NEO1: variants seen among roughly 807,000 people sequenced by gnomAD.
NEO1 encodes the protein neogenin 1.
Under a neutral mutation model 159.7 loss-of-function variants are expected in NEO1, and 63 were observed. That is an observed-to-expected ratio of 0.39 (90% CI 0.32 to 0.49). NEO1 has a LOEUF of 0.49. Among genes scored for constraint, NEO1 ranks in the 20% least tolerant of loss-of-function variants. NEO1 has a pLI of 0.85. For synonymous variants in NEO1, 633 were observed against 662.0 expected (o/e 0.96, Z 0.67); for missense variants, 1,615 against 1,831.0 (o/e 0.88, Z 2.15).
intron 18 of NEO1, 76 bp from the exon 19 acceptor site, chr15:73,272,379 C>T (rs2041212802): frequency 9.1e-7 from 1 of 1,093,410 alleles, no homozygotes; most frequent in African/African-American, 1.6e-5. Context: ...TTTTGCCTTA[C>T]AAGTGGAAAA....
intron 5 of NEO1, among the ~76,000 whole-genome samples, chr15:73,173,164 G>A (rs1360260133): frequency 6.6e-6 from 1 of 152,160 alleles, no homozygotes; most frequent in Non-Finnish European, 1.5e-5. Flanking sequence ...ATGTATTGCA[G>A]TTCAAATGAA....
Position 73,126,411 on chromosome 15 carries a change from T to G in NEO1, c.725-6T>G, listed in dbSNP as rs539606269. 401 of 1,574,664 alleles carry G rather than the reference T, an allele frequency of 2.5e-4. 7 individuals are homozygous for G. In the South Asian group the frequency reaches 4.4e-3, roughly 17 times the overall value. On this transcript the variant is annotated splice_region_variant and splice_polypyrimidine_tract_variant and intron_variant, in intron 3 of 28. Transcript: ENST00000261908. ...TATTGTCTTTGTTAATTTTTTTTTT[T>G]TTTAGATCCTGAGGTGATATCAGAC...
intron 18 of NEO1, 139 bp from the exon 19 acceptor site, chr15:73,272,316 A>C (rs1268435058): frequency 3.4e-6 from 2 of 590,444 alleles, no homozygotes; most frequent in Admixed American, 3.0e-5. Context: ...TGATAGACAA[A>C]CTGTGATTTC....
intron 1 of NEO1, among the ~76,000 whole-genome samples, chr15:73,102,136 G>A (rs900541005): frequency 6.6e-6 from 1 of 152,146 alleles, no homozygotes; most frequent in African/African-American, 2.4e-5. Flanking sequence ...TAGAGGCCGA[G>A]GCGGGCGGAT....
chr15:73,124,709 C>G (rs138716786), intron 3 of NEO1, among the ~76,000 whole-genome samples: 1 of 152,198 alleles, frequency 6.6e-6, no homozygotes, highest in African/African-American at 2.4e-5. Flanking sequence ...CTTTGATTTC[C>G]ACCCCCAGTG....
At chr15:73,260,103 A>C (rs1402482591) in intron 14 of NEO1, among the ~76,000 whole-genome samples, 168 bp from the exon 15 acceptor site, 1 of 147,540 alleles carries the variant, frequency 6.8e-6, no homozygotes. Flanking sequence ...CAGTAAAATC[A>C]TGGGCTGTAT....
chr15:73,069,322 G>A (rs1453118253), intron 1 of NEO1, among the ~76,000 whole-genome samples: 1 of 151,910 alleles, frequency 6.6e-6, no homozygotes, highest in Admixed American at 6.6e-5. Context: ...TTTTGGGGCA[G>A]TGCCAGATTT....
chr15:73,103,619 A>G (rs2070520949), intron 1 of NEO1, among the ~76,000 whole-genome samples: 3 of 152,104 alleles, frequency 2.0e-5, no homozygotes, highest in South Asian at 2.1e-4. Flanking sequence ...ATCATTGTAT[A>G]TGTCCTCCAC....
At chr15:73,254,105 A>G (rs1009954473) in intron 12 of NEO1, among the ~76,000 whole-genome samples, 1 of 152,138 alleles carries the variant, frequency 6.6e-6, no homozygotes, top group Non-Finnish European at 1.5e-5. Flanking sequence ...TGAGAGGATC[A>G]CTTAAGCCCG....
intron 5 of NEO1, among the ~76,000 whole-genome samples, chr15:73,150,388 A>G (rs1421259527): frequency 1.3e-5 from 2 of 152,210 alleles, no homozygotes; most frequent in African/African-American, 4.8e-5. Context: ...AAAATATTTT[A>G]TAATTGTTTT....
intron 1 of NEO1, among the ~76,000 whole-genome samples, chr15:73,102,225 G>C (rs1399647287): frequency 6.6e-6 from 1 of 152,116 alleles, no homozygotes; most frequent in East Asian, 1.9e-4. Context: ...AATTAGCTGG[G>C]CGTGGTGGCA....
At chr15:73,130,966 A>C (rs897883804) in intron 4 of NEO1, among the ~76,000 whole-genome samples, 1 of 152,174 alleles carries the variant, frequency 6.6e-6, no homozygotes. Flanking sequence ...CCCTGCTAAG[A>C]AGCAATGAGG....
intron 23 of NEO1, among the ~76,000 whole-genome samples, chr15:73,287,602 C>G (rs1333052706): frequency 6.6e-6 from 1 of 152,210 alleles, no homozygotes; most frequent in Non-Finnish European, 1.5e-5. Context: ...GTTGTTCCGG[C>G]CAGGTACAGT....
At chr15:73,066,035 C>CT (rs11400510) in intron 1 of NEO1, among the ~76,000 whole-genome samples, 43,341 of 139,626 alleles carry the variant, frequency 0.31, 7,952 homozygotes, top group Admixed American at 0.45. Flanking sequence ...TCTTTCTTTT[C>CT]TTTTTTTTTT....
At chr15:73,296,604 G>A (rs1458293195) in intron 26 of NEO1, among the ~76,000 whole-genome samples, 1 of 152,176 alleles carries the variant, frequency 6.6e-6, no homozygotes, top group Admixed American at 6.5e-5. Context: ...AAATGTGTTG[G>A]ATTTCTGCAG....
At chr15:73,198,522 CT>C (rs1313357606) in intron 7 of NEO1, among the ~76,000 whole-genome samples, 2 of 151,224 alleles carry the variant, frequency 1.3e-5, no homozygotes, top group Non-Finnish European at 2.9e-5. Flanking sequence ...TCTCTGAAAG[CT>C]TTTGGTTTTT....
chr15:73,217,614 G>A (rs1358941991), intron 7 of NEO1, among the ~76,000 whole-genome samples: 1 of 152,140 alleles, frequency 6.6e-6, no homozygotes, highest in Non-Finnish European at 1.5e-5. Flanking sequence ...ATTGAGCAGT[G>A]GTTTGTAGTT....
Position 73,305,016 on chromosome 15 carries a change from G to A in NEO1, c.*2320G>A, listed in dbSNP as rs2042736469. 2 of 152,174 alleles carry A rather than the reference G, an allele frequency of 1.3e-5. No homozygotes were observed. The highest frequency in any genetic ancestry group is 6.5e-5 in the Admixed American group (1 of 15,276). 9.4% of individuals were successfully genotyped at this position (152,174 alleles called of 1,614,324 possible). Reference sequence around the variant, plus strand: ...TGCCGCTCAGCAGCTTCCTCGGGGGGATTTGGAACACCTGTGTCTGTCGCC... The same window carrying A: ...TGCCGCTCAGCAGCTTCCTCGGGGGAATTTGGAACACCTGTGTCTGTCGCC... On this transcript the variant is annotated 3_prime_UTR_variant, in exon 29 of 29. Coordinates refer to ENST00000261908, the MANE Select transcript of NEO1 (RefSeq NM_002499.4).
At chr15:73,245,390 G>A (rs1000352766) in intron 9 of NEO1, among the ~76,000 whole-genome samples, 1 of 152,108 alleles carries the variant, frequency 6.6e-6, no homozygotes, top group African/African-American at 2.4e-5. Context: ...AAGATTTTCA[G>A]TGACGTGAGT....
Sources: gnomAD v4.1 joint callset for allele counts (sites outside exome capture counted in the v4.1 genomes callset) on GRCh38, gnomAD v4.1.1 for gene constraint, MANE v1.5 for transcripts, NCBI Gene and HGNC (gene_info 2026-07-23, HGNC 2026-07-21) for gene names.